Variants in BANK1 observed in about 807,000 individuals in gnomAD.
The protein encoded by BANK1 is B-cell scaffold protein with ankyrin repeats.
In BANK1, 95 loss-of-function variants were observed where a neutral mutation model predicts 94.5. That is an observed-to-expected ratio of 1.00 (90% CI 0.85 to 1.19). The LOEUF (loss-of-function observed/expected upper bound fraction) is 1.19. Among genes scored for constraint, BANK1 ranks in the 50% most tolerant of loss-of-function variants. BANK1 has a pLI of 0.00. For synonymous variants in BANK1, 334 were observed against 308.4 expected (o/e 1.08, Z -0.87); for missense variants, 987 against 932.2 (o/e 1.06, Z -0.77).
rs371263792 is a variant in BANK1 at position 101,811,908 on chromosome 4, G to GT, written c.71-17893dup. Among the ~76,000 whole-genome samples, 66 of 151,938 alleles carry GT rather than the reference G, an allele frequency of 4.3e-4. 1 individual carries two copies. The Middle Eastern group carries it at 0.014, about 31-fold the overall frequency. Reference sequence around the variant, plus strand: ...TCCATTTCCTTTTTATAATATGCAAGTTTTTTTAAGGGCAGGAATTGGGCT... The same window carrying GT: ...TCCATTTCCTTTTTATAATATGCAAGTTTTTTTTAAGGGCAGGAATTGGGCT... On this transcript the variant is annotated intron_variant, in intron 1 of 16. Coordinates refer to ENST00000322953, the MANE Select transcript of BANK1 (RefSeq NM_017935.5).
intron 12 of BANK1, 99 bp downstream of exon 12, chr4:102,060,488 T>G (rs1728383744): frequency 7.6e-7 from 1 of 1,319,280 alleles, no homozygotes; most frequent in Non-Finnish European, 1.0e-6. Context: ...AACTGTTCTT[T>G]CATTTTTAAC....
At position 101,830,028 on chromosome 4, in the gene BANK1, A is replaced by G. The variant is rs548384691; in HGVS notation, c.291A>G (p.Lys97=). The G allele has an allele frequency of 9.3e-6, 15 of 1,613,494 alleles. No homozygotes were observed. Among genetic ancestry groups the G allele is most frequent in the Non-Finnish European group, 1.2e-5 (14 of 1,179,830 alleles). ...TGCTTAGAGACCTAACTCCAAAGAA[A>G]TGTCAGTTTCTGGAAAAGATACTTC... ...NSLLRDLTPK[K]CQFLEKILHS... The change falls in exon 2 of 17, where the codon AAA becomes AAG. Residue 97 remains lysine (K), a synonymous_variant. Coordinates refer to ENST00000322953, the MANE Select transcript of BANK1 (RefSeq NM_017935.5).
chr4:101,879,903 A>T (rs1007620928), intron 5 of BANK1, among the ~76,000 whole-genome samples: 1 of 152,104 alleles, frequency 6.6e-6, no homozygotes, highest in Non-Finnish European at 1.5e-5. Flanking sequence ...TTTCATGGTA[A>T]AGACCCTCCA....
intron 1 of BANK1, among the ~76,000 whole-genome samples, chr4:101,807,065 T>C (rs903681610): frequency 6.6e-6 from 1 of 152,198 alleles, no homozygotes; most frequent in Non-Finnish European, 1.5e-5. Context: ...CGGGGGTGAC[T>C]ACTGATGCAT....
intron 3 of BANK1, among the ~76,000 whole-genome samples, chr4:101,860,530 A>T (rs1727832201): frequency 6.6e-6 from 1 of 151,914 alleles, no homozygotes; most frequent in Admixed American, 6.6e-5. Context: ...TCCCGGGCTC[A>T]AGCAATTTTC....
intron 2 of BANK1, among the ~76,000 whole-genome samples, chr4:101,832,008 TTAA>T (rs1441573764): frequency 6.6e-6 from 1 of 152,204 alleles, no homozygotes; most frequent in Non-Finnish European, 1.5e-5. Flanking sequence ...TATTGTGATT[TTAA>T]TAATCCCTTG....
rs1304392057 is a variant in BANK1, at chr4:101,854,984, A to T, written c.470-51A>T. Reference sequence around the variant, plus strand: ...ATTAGTCTTTATAGCAATGGAGGAAATACTGTGGCTTTAGTTATATTATAA... The same window carrying T: ...ATTAGTCTTTATAGCAATGGAGGAATTACTGTGGCTTTAGTTATATTATAA... On this transcript the variant is annotated intron_variant, in intron 2 of 16. Coordinates refer to ENST00000322953, the MANE Select transcript of BANK1 (RefSeq NM_017935.5). 5 of 1,413,190 alleles carry T rather than the reference A, an allele frequency of 3.5e-6. No individual in the cohort carries two copies. The East Asian group carries it at 1.1e-4, about 32-fold the overall frequency. 87.5% of individuals were successfully genotyped at this position (1,413,190 alleles called of 1,614,324 possible).
chr4:101,959,896 C>G (rs1012774692), intron 7 of BANK1, among the ~76,000 whole-genome samples: 1 of 152,082 alleles, frequency 6.6e-6, no homozygotes, highest in African/African-American at 2.4e-5. Flanking sequence ...ATCCTCTGTC[C>G]CAAGTAGCAC....
intron 2 of BANK1, among the ~76,000 whole-genome samples, chr4:101,852,905 A>T (rs901273429): frequency 2.6e-5 from 4 of 152,098 alleles, no homozygotes; most frequent in African/African-American, 4.8e-5. Flanking sequence ...AAAATCCTGG[A>T]TACTGCCATG....
chr4:101,994,120 TG>T (rs1455851792), intron 7 of BANK1, among the ~76,000 whole-genome samples: 3 of 152,224 alleles, frequency 2.0e-5, no homozygotes, highest in Non-Finnish European at 4.4e-5. Flanking sequence ...TAATATCTTA[TG>T]ATTCATTTTG....
intron 13 of BANK1, among the ~76,000 whole-genome samples, chr4:102,070,912 T>C (rs145539708): frequency 1.4e-3 from 213 of 152,356 alleles, no homozygotes; most frequent in African/African-American, 4.8e-3. Context: ...TCTTTCCTTA[T>C]AAATAATTGA....
chr4:102,044,275 T>C (rs1221815214), intron 11 of BANK1, among the ~76,000 whole-genome samples: 3 of 152,118 alleles, frequency 2.0e-5, no homozygotes, highest in Non-Finnish European at 4.4e-5. Context: ...AGTGAGAACA[T>C]GCGGTGTTTG....
chr4:101,980,213 C>G (rs1238909241), intron 7 of BANK1, among the ~76,000 whole-genome samples: 1 of 151,794 alleles, frequency 6.6e-6, no homozygotes, highest in South Asian at 2.1e-4. Flanking sequence ...GAAAATTACT[C>G]AAGAGACTCT....
intron 9 of BANK1, among the ~76,000 whole-genome samples, chr4:102,026,220 G>A (rs2148948797): frequency 6.6e-6 from 1 of 152,238 alleles, no homozygotes; most frequent in East Asian, 1.9e-4. Context: ...TATCTGCCTG[G>A]AGTGTTCAAC....
chr4:101,934,245 A>AT (rs548625479), intron 7 of BANK1, among the ~76,000 whole-genome samples: 26 of 150,126 alleles, frequency 1.7e-4, no homozygotes, highest in East Asian at 9.9e-4. Flanking sequence ...CTTAGTATTA[A>AT]TTTTTTTTTT....
chr4:102,007,307 G>A (rs1726339739), intron 7 of BANK1, among the ~76,000 whole-genome samples: 1 of 150,366 alleles, frequency 6.7e-6, no homozygotes, highest in Non-Finnish European at 1.5e-5. Context: ...CAACAACTCT[G>A]TTTTAGCAAA....
chr4:101,844,416 G>A lies in BANK1; in HGVS notation c.470-10619G>A, dbSNP rs533065890. Among the ~76,000 whole-genome samples, 119 of 152,282 alleles carry A rather than the reference G, an allele frequency of 7.8e-4. 3 individuals carry two copies. In the Middle Eastern group the frequency reaches 0.01, roughly 13 times the overall value. On this transcript the variant is annotated intron_variant, in intron 2 of 16. Coordinates refer to ENST00000322953, the MANE Select transcript of BANK1 (RefSeq NM_017935.5). ...TGAGAAGATTGGAAAGACTGCAATG[G>A]CAAACCAGGTGGGTCATGAGGGCCT...
rs903097132 is a variant in BANK1 at position 101,990,160 on chromosome 4, T to G, written c.1207-31354T>G. 2.0e-5 allele frequency among the ~76,000 whole-genome samples: 3 copies of G among 152,296 alleles called. No homozygotes were observed. The South Asian group carries it at 6.2e-4, about 32-fold the overall frequency. ...GACTTTAGAGAATATTGGCATATAA[T>G]CAAAAAGCATCTGAGGTACTATTTG... On this transcript the variant is annotated intron_variant, in intron 7 of 16. Coordinates refer to ENST00000322953, the MANE Select transcript of BANK1 (RefSeq NM_017935.5).
intron 7 of BANK1, among the ~76,000 whole-genome samples, chr4:101,992,170 T>G (rs181576224): frequency 4.6e-5 from 7 of 152,318 alleles, no homozygotes; most frequent in African/African-American, 1.4e-4. Flanking sequence ...CATGTGCTTT[T>G]CTTACTGAAC....
Sources: allele counts gnomAD v4.1 joint callset (sites outside exome capture counted in the v4.1 genomes callset), GRCh38; gene constraint gnomAD v4.1.1; transcripts MANE v1.5; gene names NCBI Gene and HGNC (gene_info 2026-07-23, HGNC 2026-07-21).